Variants in TTLL11 observed in about 807,000 individuals in gnomAD.
The protein encoded by TTLL11 is tubulin tyrosine ligase like 11, also known as tubulin polyglutamylase TTLL11.
TTLL11 carries 42 observed loss-of-function variants against 51.7 expected under a neutral mutation model. The ratio of observed to expected loss-of-function variants is 0.81; its 90% CI spans 0.64 to 1.05. The LOEUF (loss-of-function observed/expected upper bound fraction) is 1.05, where lower values mean the gene tolerates loss of function less well. Among genes scored for constraint, TTLL11 ranks in the 50% least tolerant of loss-of-function variants. TTLL11 has a pLI of 0.00. For synonymous variants in TTLL11, 381 were observed against 383.5 expected, an observed-to-expected ratio of 0.99 and a Z score of 0.08; for missense variants, 799 against 940.4, an observed-to-expected ratio of 0.85 and a Z score of 1.97.
At position 121,914,421 on chromosome 9, in the gene TTLL11, G is replaced by C. The variant is rs184259062; in HGVS notation, c.1482-43673C>G. 2.8e-4 allele frequency among the ~76,000 whole-genome samples: 43 copies of C among 152,320 alleles called. No homozygotes were observed. The Middle Eastern group carries it at 0.014, about 48-fold the overall frequency. On this transcript the variant is annotated intron_variant, in intron 6 of 8. Coordinates refer to ENST00000321582, the MANE Select transcript of TTLL11 (RefSeq NM_001139442.2). ...CTATTACCTGGGAGGCCTGGGTTGG[G>C]CCAGGGCATGGAATGACGGTTGATG...
intron 1 of TTLL11, among the ~76,000 whole-genome samples, chr9:122,073,907 AG>A (rs1845794276): frequency 6.6e-6 from 1 of 152,166 alleles, no homozygotes; most frequent in African/African-American, 2.4e-5. Context: ...TGGACTCATC[AG>A]CTACGTCTGC....
At chr9:121,835,234 T>G (rs369745400) in intron 8 of TTLL11, among the ~76,000 whole-genome samples, 3 of 152,314 alleles carry the variant, frequency 2.0e-5, no homozygotes, top group East Asian at 3.9e-4. Flanking sequence ...GGATTCCCAC[T>G]CGGCATTACC....
chr9:122,049,526 C>A (rs1845104907), intron 1 of TTLL11, among the ~76,000 whole-genome samples: 2 of 152,094 alleles, frequency 1.3e-5, no homozygotes, highest in Non-Finnish European at 2.9e-5. Flanking sequence ...TAACTGTAAC[C>A]CTCACCCTAC....
chr9:122,079,046 G>A (rs1845933387), intron 1 of TTLL11, among the ~76,000 whole-genome samples: 2 of 152,128 alleles, frequency 1.3e-5, no homozygotes, highest in Admixed American at 1.3e-4. Flanking sequence ...ATGAACATTA[G>A]TGTACAAGTT....
intron 1 of TTLL11, among the ~76,000 whole-genome samples, chr9:122,041,494 T>C (rs943036965): frequency 3.3e-5 from 5 of 152,212 alleles, no homozygotes; most frequent in Non-Finnish European, 4.4e-5. Flanking sequence ...TATCTGTTTG[T>C]TGATGACATG....
At chr9:121,960,111 C>CT (rs138986619) in intron 6 of TTLL11, among the ~76,000 whole-genome samples, 11,721 of 152,058 alleles carry the variant, frequency 0.077, 682 homozygotes, top group African/African-American at 0.16. Flanking sequence ...AACTTCTGAT[C>CT]TTTTTTCTCA....
intron 3 of TTLL11, among the ~76,000 whole-genome samples, chr9:122,004,968 T>G (rs924542601): frequency 6.6e-6 from 1 of 152,154 alleles, no homozygotes; most frequent in Non-Finnish European, 1.5e-5. Flanking sequence ...ATGGATACAA[T>G]TTTGGCATTT....
Position 121,826,557 on chromosome 9 carries a change from G to GTGTGTATATATATA in TTLL11, c.1841-3679_1841-3678insTATATATATACACA, listed in dbSNP as rs1189626793. On this transcript the variant is annotated intron_variant, in intron 8 of 8. Transcript: ENST00000321582. ...TGTGTGTATATATATATATGTGTGT[G>GTGTGTATATATATA]TATATATATATATATATATATATAT... Among the ~76,000 whole-genome samples, 169 of 51,342 alleles carry GTGTGTATATATATA rather than the reference G, an allele frequency of 3.3e-3. 6 individuals carry two copies. The highest frequency in any genetic ancestry group is 0.011 in the African/African-American group (156 of 14,198). 33.7% of individuals were successfully genotyped at this position (51,342 alleles called of 152,430 possible). A position where few individuals can be genotyped will look rare whatever the true frequency, so the allele number is the denominator to read the frequency against.
intron 6 of TTLL11, among the ~76,000 whole-genome samples, chr9:121,960,429 G>C (rs889812397): frequency 2.6e-5 from 4 of 152,138 alleles, no homozygotes; most frequent in Admixed American, 1.3e-4. Flanking sequence ...CATGCTCTGA[G>C]AGCCCCATGT....
In TTLL11 at chr9:122,092,778, C is replaced by A; in HGVS notation, c.371G>T (p.Gly124Val). The A allele has an allele frequency of 6.5e-7, 1 of 1,539,606 alleles. No homozygotes were observed. The highest frequency in any genetic ancestry group is 1.9e-5 in the Admixed American group (1 of 51,382). Residue 124 changes from glycine to valine, a missense_variant, in exon 1 of 9, where the codon GGC (glycine) becomes GTC (valine). By Grantham distance (109) the Gly-to-Val change is moderately radical (BLOSUM62 -3). This residue lies in a region of TTLL11 where 468 missense variants were observed against 612.8 expected (regional missense o/e 0.76). Transcript: ENST00000321582. ...GTCCACGGTGACCGGCCGCTGGGAG[C>A]CGTTCTCGCCGGAACCGTGGCCCGA... ...RSSGHGSGEN[G>V]SQRPVTVDSS... is the part of the protein sequence containing the mutation.
chr9:121,858,609 G>C (rs1040668922), intron 8 of TTLL11, among the ~76,000 whole-genome samples: 3 of 152,216 alleles, frequency 2.0e-5, no homozygotes, highest in African/African-American at 7.2e-5. Context: ...GAAGTTTCTG[G>C]CCCACATGGG....
At chr9:122,004,984 G>A (rs891342630) in intron 3 of TTLL11, among the ~76,000 whole-genome samples, 1 of 152,310 alleles carries the variant, frequency 6.6e-6, no homozygotes, top group Middle Eastern at 3.4e-3. Context: ...CATTTCTAAA[G>A]GGTTCTCATA....
At chr9:121,866,973 G>C (rs972636551) in intron 7 of TTLL11, among the ~76,000 whole-genome samples, 1 of 152,150 alleles carries the variant, frequency 6.6e-6, no homozygotes, top group Non-Finnish European at 1.5e-5. Context: ...TAATTATAGA[G>C]AGCAAAAGGG....
intron 1 of TTLL11, among the ~76,000 whole-genome samples, chr9:122,074,255 C>G (rs1263335770): frequency 2.1e-5 from 3 of 143,210 alleles, no homozygotes; most frequent in Non-Finnish European, 3.0e-5. Flanking sequence ...GCCTGGGCGA[C>G]AGAGCAAGGC....
chr9:121,827,130 T>C (rs1329332905), intron 8 of TTLL11, among the ~76,000 whole-genome samples: 3 of 152,210 alleles, frequency 2.0e-5, no homozygotes, highest in African/African-American at 7.2e-5. Flanking sequence ...ACCATTTTTT[T>C]TTATAGTGAT....
rs138988977 is a variant in TTLL11 at position 122,029,169 on chromosome 9, A to G, written c.693+2554T>C. On this transcript the variant is annotated intron_variant, in intron 3 of 8. Coordinates refer to ENST00000321582, the MANE Select transcript of TTLL11 (RefSeq NM_001139442.2). ...AAAGTGCAGTATAATACAATTATGC[A>G]CTGTACAGAATACTTGATAATGATA... Among the ~76,000 whole-genome samples the G allele has an allele frequency of 4.2e-3, 645 of 152,338 alleles. 7 individuals carry two copies. Among genetic ancestry groups the G allele is most frequent in the African/African-American group, 0.015 (623 of 41,576 alleles).
Position 122,056,329 on chromosome 9 carries a change from T to C in TTLL11, c.463-16961A>G, listed in dbSNP as rs73662577. On this transcript the variant is annotated intron_variant, in intron 1 of 8. Coordinates refer to ENST00000321582, the MANE Select transcript of TTLL11 (RefSeq NM_001139442.2). The stretch of plus-strand genomic sequence containing the variant: ...AATATTGTACCAATAATTTCTGTAA[T>C]AATAATGAAAATGGCTACTATTTAT... Among the ~76,000 whole-genome samples, 794 of 152,290 alleles carry C rather than the reference T, an allele frequency of 5.2e-3. 10 individuals are homozygous for C. The highest frequency in any genetic ancestry group is 0.018 in the African/African-American group (756 of 41,548).
intron 6 of TTLL11, among the ~76,000 whole-genome samples, chr9:121,957,121 G>A (rs763420514): frequency 7.2e-5 from 11 of 152,270 alleles, no homozygotes; most frequent in Non-Finnish European, 1.0e-4. Flanking sequence ...CTAAGGCCTC[G>A]TCCTTGCCAC....
At chr9:121,959,280 A>G (rs4144643) in intron 6 of TTLL11, among the ~76,000 whole-genome samples, 11,765 of 152,166 alleles carry the variant, frequency 0.077, 688 homozygotes, top group African/African-American at 0.16. Context: ...ACAGTGTCTA[A>G]TCCGCACATG....
Sources: allele counts gnomAD v4.1 joint callset (sites outside exome capture counted in the v4.1 genomes callset), GRCh38; gene constraint gnomAD v4.1.1; regional missense constraint gnomAD v4.1.1; transcripts MANE v1.5; gene names NCBI Gene and HGNC (gene_info 2026-07-23, HGNC 2026-07-21).